WWOX: variants seen among roughly 807,000 people sequenced by gnomAD.
WWOX encodes WW domain-containing oxidoreductase.
In WWOX, 69 loss-of-function variants were observed where a neutral mutation model predicts 46.2. The observed-to-expected ratio is 1.49, with a 90% CI of 1.23 to 1.82. The LOEUF (loss-of-function observed/expected upper bound fraction) is 1.82. WWOX is among the 40% of genes most tolerant of loss of function. WWOX has a pLI of 0.00. For missense variants in WWOX, 919 were observed against 542.6 expected (o/e 1.69, Z -6.89); for synonymous variants, 359 against 202.6 (o/e 1.77, Z -6.56).
intron 8 of WWOX, among the ~76,000 whole-genome samples, chr16:79,069,818 G>A (rs2048514532): frequency 6.6e-6 from 1 of 152,124 alleles, no homozygotes; most frequent in Non-Finnish European, 1.5e-5. Context: ...TTGCTAACTG[G>A]TGTTAGTTAG....
intron 8 of WWOX, among the ~76,000 whole-genome samples, chr16:78,881,496 C>T (rs958128840): frequency 3.3e-5 from 5 of 152,148 alleles, no homozygotes; most frequent in African/African-American, 1.2e-4. Flanking sequence ...ATTAAATATT[C>T]AACAAACAAT....
intron 5 of WWOX, among the ~76,000 whole-genome samples, chr16:78,337,006 C>G (rs981967789): frequency 6.6e-6 from 1 of 152,210 alleles, no homozygotes; most frequent in East Asian, 1.9e-4. Flanking sequence ...GTCTCAAACT[C>G]CTGACCTCAC....
chr16:78,504,474 G>A (rs1376379329), intron 8 of WWOX, among the ~76,000 whole-genome samples: 1 of 152,150 alleles, frequency 6.6e-6, no homozygotes, highest in African/African-American at 2.4e-5. Context: ...ATTGTCCAGG[G>A]TTTCCACCTC....
At chr16:79,150,365 A>G (rs952952750) in intron 8 of WWOX, among the ~76,000 whole-genome samples, 7 of 152,198 alleles carry the variant, frequency 4.6e-5, no homozygotes, top group Non-Finnish European at 7.3e-5. Flanking sequence ...TTAATAATTC[A>G]TAATTATATA....
chr16:78,684,520 G>T (rs959753707), intron 8 of WWOX, among the ~76,000 whole-genome samples: 6 of 152,124 alleles, frequency 3.9e-5, no homozygotes, highest in Admixed American at 2.0e-4. Flanking sequence ...TTTATTACGG[G>T]ACCTGGATGT....
intron 5 of WWOX, among the ~76,000 whole-genome samples, chr16:78,345,679 G>C (rs1489184113): frequency 2.7e-5 from 3 of 109,352 alleles, no homozygotes; most frequent in Non-Finnish European, 6.4e-5. Context: ...ATAAAGCATG[G>C]GAAGTCCCTT....
At position 78,259,618 on chromosome 16, in the gene WWOX, C is replaced by G. The variant is rs116942438; in HGVS notation, c.516+95329C>G. Among the ~76,000 whole-genome samples the G allele has an allele frequency of 5.8e-3, 873 of 151,610 alleles. 27 individuals are homozygous for G. In the East Asian group the frequency reaches 0.065, roughly 11 times the overall value. On this transcript the variant is annotated intron_variant, in intron 5 of 8. Coordinates refer to ENST00000566780, the MANE Select transcript of WWOX (RefSeq NM_016373.4). ...CAGGCATGAGCCACCATGTTCGACC[C>G]CATTTTTATAAATGTAAAATTAACT...
At chr16:78,735,241 T>G (rs1425574540) in intron 8 of WWOX, among the ~76,000 whole-genome samples, 41 of 152,092 alleles carry the variant, frequency 2.7e-4, no homozygotes, top group Admixed American at 2.7e-3. Context: ...TTGCTGGAGT[T>G]GGACTGAAAC....
intron 7 of WWOX, among the ~76,000 whole-genome samples, chr16:78,429,177 G>A (rs2083158203): frequency 6.6e-6 from 1 of 152,160 alleles, no homozygotes. Flanking sequence ...TTGGAATCAG[G>A]TGATCAATTG....
intron 8 of WWOX, among the ~76,000 whole-genome samples, chr16:78,784,747 C>G (rs572981774): frequency 2.0e-5 from 3 of 152,286 alleles, no homozygotes; most frequent in Non-Finnish European, 4.4e-5. Flanking sequence ...GGTGGGCAGT[C>G]TGGAAGAGAG....
At chr16:78,580,096 C>T (rs1445757195) in intron 8 of WWOX, among the ~76,000 whole-genome samples, 1 of 147,916 alleles carries the variant, frequency 6.8e-6, no homozygotes, top group Non-Finnish European at 1.5e-5. Flanking sequence ...TTTTTTGAGA[C>T]CGAGTCTTGC....
At chr16:78,850,513 ACTG>A (rs2052415553) in intron 8 of WWOX, among the ~76,000 whole-genome samples, 2 of 152,174 alleles carry the variant, frequency 1.3e-5, no homozygotes, top group African/African-American at 4.8e-5. Context: ...TAGTTTTTTT[ACTG>A]CTAAGAATAA....
intron 8 of WWOX, among the ~76,000 whole-genome samples, chr16:78,638,140 C>G (rs1358504121): frequency 1.3e-5 from 2 of 152,180 alleles, no homozygotes; most frequent in East Asian, 1.9e-4. Flanking sequence ...GCACTACCCT[C>G]AACACTGTTT....
intron 8 of WWOX, among the ~76,000 whole-genome samples, chr16:78,984,977 G>C (rs1784119023): frequency 6.6e-6 from 1 of 151,966 alleles, no homozygotes; most frequent in Admixed American, 6.6e-5. Flanking sequence ...ACAGATACTG[G>C]GCAAAAGGAA....
At chr16:78,184,916 T>C (rs2035648137) in intron 5 of WWOX, among the ~76,000 whole-genome samples, 1 of 152,236 alleles carries the variant, frequency 6.6e-6, no homozygotes. Flanking sequence ...AACAAAGGTT[T>C]ATTTCTTGCT....
At chr16:79,041,372 C>A (rs917616985) in intron 8 of WWOX, among the ~76,000 whole-genome samples, 3 of 152,136 alleles carry the variant, frequency 2.0e-5, no homozygotes, top group Non-Finnish European at 4.4e-5. Context: ...TGCTGGAATG[C>A]CCATTCCCTG....
intron 8 of WWOX, among the ~76,000 whole-genome samples, chr16:78,918,060 G>C (rs1488658388): frequency 6.6e-6 from 1 of 151,986 alleles, no homozygotes; most frequent in Non-Finnish European, 1.5e-5. Context: ...AAATTAGCCA[G>C]GCGTGGTGGT....
intron 8 of WWOX, among the ~76,000 whole-genome samples, chr16:78,852,464 C>T (rs759365559): frequency 2.6e-5 from 4 of 152,170 alleles, no homozygotes; most frequent in Non-Finnish European, 5.9e-5. Context: ...AGGCTTCCAA[C>T]AGTCAGACCA....
chr16:79,058,388 T>TAG (rs143501744), intron 8 of WWOX, among the ~76,000 whole-genome samples: 98,067 of 151,682 alleles, frequency 0.65, 32,636 homozygotes, highest in African/African-American at 0.8. Context: ...TGGATAAATA[T>TAG]ACTTTTGAAT....
Sources: allele counts gnomAD v4.1 joint callset (sites outside exome capture counted in the v4.1 genomes callset), GRCh38; gene constraint gnomAD v4.1.1; transcripts MANE v1.5; gene names NCBI Gene and HGNC (gene_info 2026-07-23, HGNC 2026-07-21).